RASA2: variants seen among roughly 807,000 people sequenced by gnomAD.
The protein encoded by RASA2 is ras GTPase-activating protein 2.
RASA2 carries 155 observed loss-of-function variants against 118.2 expected under a neutral mutation model. The observed-to-expected ratio is 1.31, with a 90% CI of 1.15 to 1.50. The LOEUF is 1.50. RASA2 is among the 40% of genes most tolerant of loss of function. RASA2 has a pLI of 0.00. For missense variants in RASA2, 1,016 were observed against 1,009.6 expected (o/e 1.01, Z -0.09); for synonymous variants, 353 against 349.1 (o/e 1.01, Z -0.12).
At chr3:141,551,858 A>AT (rs1301755473) in intron 5 of RASA2, among the ~76,000 whole-genome samples, 1 of 152,158 alleles carries the variant, frequency 6.6e-6, no homozygotes, top group Admixed American at 6.5e-5. Flanking sequence ...AATGCTTTAT[A>AT]TGTCACATAT....
intron 2 of RASA2, among the ~76,000 whole-genome samples, chr3:141,515,343 A>G (rs1420935273): frequency 6.6e-6 from 1 of 152,116 alleles, no homozygotes; most frequent in African/African-American, 2.4e-5. Flanking sequence ...CATTTCTAAG[A>G]CAAGGATGGT....
rs866539199 is a variant in RASA2, at chr3:141,511,822, T to C, written c.134-341T>C. 9.2e-5 allele frequency among the ~76,000 whole-genome samples: 14 copies of C among 152,272 alleles called. 1 individual carries two copies. In the Middle Eastern group the frequency reaches 0.014, roughly 148 times the overall value. ...GGGAATGATCGCTAGAGAGGAAAATTAATGGTGATTTGGGAAAGAAAGATT... is the reference window on the plus strand; with the variant it reads ...GGGAATGATCGCTAGAGAGGAAAATCAATGGTGATTTGGGAAAGAAAGATT... On this transcript the variant is annotated intron_variant, in intron 1 of 23. Coordinates refer to ENST00000286364, the MANE Select transcript of RASA2 (RefSeq NM_006506.5).
chr3:141,506,145 T>C (rs1003041992), intron 1 of RASA2, among the ~76,000 whole-genome samples: 1 of 152,228 alleles, frequency 6.6e-6, no homozygotes, highest in African/African-American at 2.4e-5. Context: ...GGAGTACCAG[T>C]TATGAATCAA....
chr3:141,532,592 T>C (rs2082274341), intron 4 of RASA2, among the ~76,000 whole-genome samples: 1 of 152,294 alleles, frequency 6.6e-6, no homozygotes, highest in Admixed American at 6.5e-5. Flanking sequence ...AAATGAAAAG[T>C]TAAAAATTTT....
intron 14 of RASA2, among the ~76,000 whole-genome samples, chr3:141,574,886 AACAT>A (rs2082985852): frequency 6.6e-6 from 1 of 152,242 alleles, no homozygotes; most frequent in Non-Finnish European, 1.5e-5. Context: ...TTTCTGTTGT[AACAT>A]ACATAGAGTT....
At chr3:141,526,595 T>G (rs561017153) in intron 3 of RASA2, among the ~76,000 whole-genome samples, 4 of 152,202 alleles carry the variant, frequency 2.6e-5, no homozygotes, top group Non-Finnish European at 5.9e-5. Flanking sequence ...ATATTTTTCT[T>G]AATTTTCCTG....
Position 141,540,551 on chromosome 3 carries a change from T to A in RASA2, c.469T>A (p.Leu157Ile). The A allele has an allele frequency of 6.2e-7, 1 of 1,612,506 alleles. No individual in the cohort carries two copies. The highest frequency in any genetic ancestry group is 8.5e-7 in the Non-Finnish European group (1 of 1,178,850). The change falls in exon 5 of 24, where the codon TTA (leucine) becomes ATA (isoleucine). Residue 157 changes from leucine (L) to isoleucine (I), a missense_variant. Around this residue, in one of 2 missense-constraint regions of RASA2, gnomAD observed 896 missense variants for 836.4 expected, o/e 1.07. Transcript: ENST00000286364. ...SEVQGKVHLE[L>I]KLNELITENG... ...ATTATAGGGTAAAGTTCACCTTGAA[T>A]TAAAACTGAATGAACTGATAACGGA...
chr3:141,487,542 G>GCCGGGGGCGCGGT (rs1442755923), intron 1 of RASA2, among the ~76,000 whole-genome samples: 2 of 151,940 alleles, frequency 1.3e-5, no homozygotes, highest in Admixed American at 6.6e-5. Context: ...CCGGGGCGCG[G>GCCGGGGGCGCGGT]CCGGGGGCGC....
At chr3:141,490,409 A>G (rs1016807692) in intron 1 of RASA2, among the ~76,000 whole-genome samples, 6 of 150,534 alleles carry the variant, frequency 4.0e-5, no homozygotes, top group Non-Finnish European at 7.4e-5. Flanking sequence ...ATGTATCTTC[A>G]GGCTTCATGC....
intron 16 of RASA2, 63 bp from the exon 17 acceptor site, chr3:141,581,037 C>G: frequency 7.1e-7 from 1 of 1,413,946 alleles, no homozygotes; most frequent in Non-Finnish European, 9.3e-7. Context: ...CTTAAAAATA[C>G]AGTCCATTCT....
chr3:141,579,936 A>G (rs1375886263), intron 15 of RASA2, among the ~76,000 whole-genome samples: 5 of 151,196 alleles, frequency 3.3e-5, no homozygotes, highest in Admixed American at 3.3e-4. Flanking sequence ...GGCACCTGCA[A>G]TCCCAGCTAC....
chr3:141,605,378 C>T (rs1560065475), intron 19 of RASA2, among the ~76,000 whole-genome samples: 1 of 152,126 alleles, frequency 6.6e-6, no homozygotes, highest in Non-Finnish European at 1.5e-5. Flanking sequence ...TAAAATCTTT[C>T]ATTTTCACTA....
At chr3:141,554,274 A>T (rs746753638) in intron 6 of RASA2, among the ~76,000 whole-genome samples, 4 of 152,234 alleles carry the variant, frequency 2.6e-5, no homozygotes, top group Non-Finnish European at 5.9e-5. Context: ...CCTGAATTTT[A>T]TGCATGTAAA....
intron 19 of RASA2, among the ~76,000 whole-genome samples, chr3:141,595,288 A>G (rs897298896): frequency 1.3e-5 from 2 of 152,262 alleles, no homozygotes; most frequent in Non-Finnish European, 2.9e-5. Context: ...TAAATGAACT[A>G]CAATACATTG....
intron 7 of RASA2, among the ~76,000 whole-genome samples, chr3:141,557,734 C>G (rs2082671050): frequency 6.6e-6 from 1 of 151,890 alleles, no homozygotes; most frequent in South Asian, 2.1e-4. Context: ...GATGGGGTAT[C>G]TTTCAAGAGA....
intron 3 of RASA2, among the ~76,000 whole-genome samples, chr3:141,522,862 C>G (rs2082131520): frequency 6.6e-6 from 1 of 152,040 alleles, no homozygotes; most frequent in Non-Finnish European, 1.5e-5. Context: ...TGCTTTTTTT[C>G]TGCTTCATTT....
At chr3:141,490,677 A>C (rs1376347454) in intron 1 of RASA2, among the ~76,000 whole-genome samples, 2 of 152,178 alleles carry the variant, frequency 1.3e-5, no homozygotes, top group African/African-American at 4.8e-5. Context: ...GACCAAGAAT[A>C]GCCTAGGGTT....
At chr3:141,603,397 T>TC (rs911644774) in intron 19 of RASA2, among the ~76,000 whole-genome samples, 1 of 151,662 alleles carries the variant, frequency 6.6e-6, no homozygotes, top group African/African-American at 2.4e-5. Context: ...ATGGTGAAAC[T>TC]CCATCTCTAC....
intron 19 of RASA2, among the ~76,000 whole-genome samples, chr3:141,595,765 A>G (rs1278068245): frequency 6.6e-6 from 1 of 151,858 alleles, no homozygotes; most frequent in East Asian, 1.9e-4. Context: ...TGTACCTGGG[A>G]CCACAGGTGG....
Sources: allele counts gnomAD v4.1 joint callset (sites outside exome capture counted in the v4.1 genomes callset), GRCh38; gene constraint gnomAD v4.1.1; regional missense constraint gnomAD v4.1.1; transcripts MANE v1.5; gene names NCBI Gene and HGNC (gene_info 2026-07-23, HGNC 2026-07-21).